Variants in PISD observed in about 807,000 individuals in gnomAD.
The protein encoded by PISD is phosphatidylserine decarboxylase proenzyme, mitochondrial.
In PISD, 31 loss-of-function variants were observed where a neutral mutation model predicts 43.5. That is an observed-to-expected ratio of 0.71 (90% CI 0.54 to 0.96). PISD has a LOEUF of 0.96. Ranked by LOEUF, PISD falls within the 40% of genes least tolerant of loss-of-function variation. The pLI, the probability that PISD is intolerant of heterozygous loss-of-function variation, is 0.00. For missense variants in PISD, 523 were observed against 548.4 expected (o/e 0.95, Z 0.46); for synonymous variants, 259 against 228.7 (o/e 1.13, Z -1.20).
chr22:31,659,247 A>G (rs1601464799), intron 1 of PISD, among the ~76,000 whole-genome samples: 2 of 152,104 alleles, frequency 1.3e-5, no homozygotes, highest in Admixed American at 6.6e-5. Flanking sequence ...TTCTCCTAAA[A>G]CAGAACGGAC....
intron 3 of PISD, among the ~76,000 whole-genome samples, chr22:31,640,957 G>C (rs60746452): frequency 7.8e-6 from 1 of 128,516 alleles, no homozygotes; most frequent in African/African-American, 3.0e-5. Flanking sequence ...GCGCAATCTC[G>C]GCTCACTGCA....
intron 2 of PISD, among the ~76,000 whole-genome samples, chr22:31,649,283 CAA>C (rs1317137957): frequency 6.6e-6 from 1 of 152,034 alleles, no homozygotes; most frequent in Non-Finnish European, 1.5e-5. Flanking sequence ...ATACATTGGC[CAA>C]TAAGCACAAG....
intron 3 of PISD, among the ~76,000 whole-genome samples, chr22:31,633,672 A>G (rs62237848): frequency 0.055 from 8,393 of 152,158 alleles, 208 homozygotes; most frequent in Non-Finnish European, 0.065. Flanking sequence ...CCGAGATCGT[A>G]CCATAGCACT....
At chr22:31,624,428 GC>G (rs945130751) in intron 3 of PISD, among the ~76,000 whole-genome samples, 3 of 151,986 alleles carry the variant, frequency 2.0e-5, no homozygotes, top group African/African-American at 7.3e-5. Flanking sequence ...ATGGTTCCAG[GC>G]CCCCCCTTTC....
chr22:31,643,385 G>A (rs929627286), intron 3 of PISD, among the ~76,000 whole-genome samples: 6 of 152,152 alleles, frequency 3.9e-5, no homozygotes, highest in East Asian at 3.8e-4. Flanking sequence ...AAATAATGAC[G>A]TTGGATTCTT....
intron 1 of PISD, among the ~76,000 whole-genome samples, chr22:31,651,112 C>T (rs760635392): frequency 1.5e-4 from 23 of 151,950 alleles, no homozygotes; most frequent in East Asian, 9.7e-4. Context: ...TACAGGCACC[C>T]GCCACCACAC....
chr22:31,627,860 G>T, intron 3 of PISD: 1 of 185,172 alleles, frequency 5.4e-6, no homozygotes, highest in Non-Finnish European at 1.0e-5. Flanking sequence ...GTGAGGGGCT[G>T]GGTCTGGCCT....
intron 1 of PISD, 24 bp from the exon 2 acceptor site, chr22:31,650,802 A>G: frequency 7.2e-7 from 1 of 1,381,248 alleles, no homozygotes; most frequent in Non-Finnish European, 1.0e-6. Flanking sequence ...AAAATGAACC[A>G]TTAAATATTA....
rs2073138891 is a variant in PISD, at chr22:31,630,313, G to A, written c.322-8428C>T. ...CGGCTCTGGGCAAAGGCAGTAAGCCGGCCACCCGCTCCCTGGCCCTCGGGC... is the reference window on the plus strand; with the variant it reads ...CGGCTCTGGGCAAAGGCAGTAAGCCAGCCACCCGCTCCCTGGCCCTCGGGC... On this transcript the variant is annotated intron_variant, in intron 3 of 7. Coordinates refer to ENST00000439502, the MANE Select transcript of PISD (RefSeq NM_001326411.2). The surrounding 1 kb of genome is among the most constrained non-coding windows in gnomAD (Gnocchi z 4.4). Among the ~76,000 whole-genome samples the A allele has an allele frequency of 6.6e-6, 1 of 152,058 alleles. No individual in the cohort carries two copies. Among genetic ancestry groups the A allele is most frequent in the Non-Finnish European group, 1.5e-5 (1 of 67,988 alleles).
intron 3 of PISD, among the ~76,000 whole-genome samples, chr22:31,643,525 G>A (rs1225409625): frequency 6.6e-6 from 1 of 152,188 alleles, no homozygotes; most frequent in Non-Finnish European, 1.5e-5. Context: ...TGTGAACCCA[G>A]GAGTTCAAGG....
intron 3 of PISD, among the ~76,000 whole-genome samples, chr22:31,626,662 CCATCGTTG>C (rs2072926658): frequency 6.6e-6 from 1 of 152,168 alleles, no homozygotes; most frequent in African/African-American, 2.4e-5. Context: ...TCCCCTTTTT[CCATCGTTG>C]CTTCAGAAAA....
chr22:31,630,679 G>A lies in PISD; in HGVS notation c.322-8794C>T, dbSNP rs1451480507. The stretch of plus-strand genomic sequence containing the variant: ...GTCACAGCTGGGAGAGCCCACCTGC[G>A]ACCGAAGGCCCTAGAAGGGCACCCC... On this transcript the variant is annotated intron_variant, in intron 3 of 7. Transcript: ENST00000439502. The surrounding 1 kb of genome is among the most constrained non-coding windows in gnomAD (Gnocchi z 4.4). 2.1e-6 allele frequency: 2 copies of A among 967,076 alleles called. No homozygotes were observed. The highest frequency in any genetic ancestry group is 1.2e-6 in the Non-Finnish European group (1 of 813,224). The allele number at this position is 967,076 out of a possible 1,614,324, so 59.9% of individuals were successfully genotyped here.
At position 31,647,958 on chromosome 22, in the gene PISD, G is replaced by T. The variant is rs891239426; in HGVS notation, c.321+143C>A. 5.7e-6 allele frequency: 4 copies of T among 699,254 alleles called. No homozygotes were observed. In the East Asian group the frequency reaches 1.1e-4, roughly 19 times the overall value. The allele number at this position is 699,254 out of a possible 1,614,324, so 43.3% of individuals were successfully genotyped here. On this transcript the variant is annotated intron_variant, in intron 3 of 7. Transcript: ENST00000439502. ...ACTTGACACCAAAGTTATAACTCCT[G>T]TATCTGGCCAAAACCTACTGGAGAC... is the stretch of plus-strand genomic sequence containing the variant.
Position 31,630,770 on chromosome 22 carries a change from C to A in PISD, c.322-8885G>T. Reference sequence around the variant, plus strand: ...TCCCTGAGAAGTCACCTGGGGCTCCCGGCAGGGCCGGGGCGCCGGCTCCGC... The same window carrying A: ...TCCCTGAGAAGTCACCTGGGGCTCCAGGCAGGGCCGGGGCGCCGGCTCCGC... On this transcript the variant is annotated intron_variant, in intron 3 of 7. Coordinates refer to ENST00000439502, the MANE Select transcript of PISD (RefSeq NM_001326411.2). This position sits in a 1 kb window ranked among gnomAD's most constrained non-coding sequence, Gnocchi z 4.4. The A allele has an allele frequency of 2.0e-6, 2 of 985,610 alleles. No homozygotes were observed. The highest frequency in any genetic ancestry group is 2.4e-6 in the Non-Finnish European group (2 of 830,078). The allele number at this position is 985,610 out of a possible 1,614,324, so 61.1% of individuals were successfully genotyped here. A position where few individuals can be genotyped will look rare whatever the true frequency, so the allele number is the denominator to read the frequency against.
At chr22:31,655,927 G>A (rs1187640106) in intron 1 of PISD, among the ~76,000 whole-genome samples, 1 of 152,054 alleles carries the variant, frequency 6.6e-6, no homozygotes, top group Admixed American at 6.6e-5. Flanking sequence ...ATGAGCCACT[G>A]CACCCAGCCC....
chr22:31,658,477 A>T (rs771367633), intron 1 of PISD, among the ~76,000 whole-genome samples: 3 of 152,234 alleles, frequency 2.0e-5, no homozygotes, highest in Non-Finnish European at 2.9e-5. Flanking sequence ...TGAGATGGTC[A>T]TATCAATCAT....
intron 1 of PISD, among the ~76,000 whole-genome samples, chr22:31,654,560 T>C (rs954224226): frequency 6.6e-6 from 1 of 152,174 alleles, no homozygotes; most frequent in African/African-American, 2.4e-5. Context: ...GAGTTCTCTA[T>C]CCATAGGAGA....
intron 2 of PISD, among the ~76,000 whole-genome samples, chr22:31,649,046 T>C (rs1436079057): frequency 6.6e-6 from 1 of 152,012 alleles, no homozygotes; most frequent in Non-Finnish European, 1.5e-5. Flanking sequence ...TCATAAACTC[T>C]TACAGGTCAA....
chr22:31,622,556 C>T (rs2068402817), intron 3 of PISD, among the ~76,000 whole-genome samples: 1 of 152,232 alleles, frequency 6.6e-6, no homozygotes, highest in South Asian at 2.1e-4. Flanking sequence ...TGCTGAGCCC[C>T]ACCTTGGCCC....
Sources: gnomAD v4.1 joint callset for allele counts (sites outside exome capture counted in the v4.1 genomes callset) on GRCh38, gnomAD v4.1.1 for gene constraint, Gnocchi (gnomAD v3.1) non-coding constraint, MANE v1.5 for transcripts, NCBI Gene and HGNC (gene_info 2026-07-23, HGNC 2026-07-21) for gene names.